Variants in RSPH14 observed in about 807,000 individuals in gnomAD.
RSPH14 encodes the protein radial spoke head 14 homolog, also known as rhabdoid tumor deletion region gene 1.
In RSPH14, 20 loss-of-function variants were observed where a neutral mutation model predicts 26.7. That is an observed-to-expected ratio of 0.75 (90% CI 0.53 to 1.09). The LOEUF is 1.09. Among genes scored for constraint, RSPH14 ranks in the 50% least tolerant of loss-of-function variants. The pLI is 0.00. For missense variants in RSPH14, 449 were observed against 457.2 expected (o/e 0.98, Z 0.16); for synonymous variants, 177 against 189.3 (o/e 0.93, Z 0.53).
At chr22:23,109,483 G>A (rs975532054) in intron 4 of RSPH14, among the ~76,000 whole-genome samples, 2 of 152,210 alleles carry the variant, frequency 1.3e-5, no homozygotes, top group African/African-American at 2.4e-5. Flanking sequence ...TGGGTGCTGA[G>A]CCAAGTGAGG....
intron 4 of RSPH14, among the ~76,000 whole-genome samples, chr22:23,084,685 C>A (rs1223022624): frequency 6.6e-6 from 1 of 152,342 alleles, no homozygotes; most frequent in East Asian, 1.9e-4. Context: ...TGATGCAATG[C>A]AGCCTTGAGA....
At chr22:23,158,758 C>T in the RSPH14 span, 5 of 728,890 alleles carry the variant, frequency 6.9e-6, no homozygotes, top group South Asian at 8.2e-5. Flanking sequence ...GCATCCTGCT[C>T]AGCCAGTGTG....
At chr22:23,159,134 G>A in the RSPH14 span, 296 of 1,607,608 alleles carry the variant, frequency 1.8e-4, no homozygotes, top group African/African-American at 1.5e-3. Context: ...GAGCCGGGAC[G>A]CTGGGTCAAC....
chr22:23,070,658 G>C (rs2068338744), intron 4 of RSPH14: 1 of 152,136 alleles, frequency 6.6e-6, no homozygotes, highest in Admixed American at 6.5e-5. Context: ...CCCCCACTTG[G>C]GACTCTTCCC....
intron 4 of RSPH14, chr22:23,096,446 C>A: frequency 6.4e-7 from 1 of 1,572,342 alleles, no homozygotes; most frequent in Non-Finnish European, 8.6e-7. Flanking sequence ...TTTTCCTCTG[C>A]TTGTTCCTGC....
At chr22:23,091,405 T>C (rs2068970850) in intron 4 of RSPH14, among the ~76,000 whole-genome samples, 1 of 150,450 alleles carries the variant, frequency 6.6e-6, no homozygotes, top group African/African-American at 2.5e-5. Context: ...CAGGCACCTA[T>C]GCATACATGC....
At chr22:23,125,763 A>G (rs3788349) in intron 4 of RSPH14, among the ~76,000 whole-genome samples, 73,660 of 151,634 alleles carry the variant, frequency 0.49, 18,482 homozygotes, top group Middle Eastern at 0.57. Flanking sequence ...CCACTGGAGG[A>G]GCAGAGACGC....
chr22:23,080,235 C>T lies in RSPH14; in HGVS notation c.422-16102G>A, dbSNP rs549173944. 4.5e-4 allele frequency among the ~76,000 whole-genome samples: 68 copies of T among 152,334 alleles called. No homozygotes were observed. In the South Asian group the frequency reaches 0.014, roughly 31 times the overall value. On this transcript the variant is annotated intron_variant, in intron 4 of 6. Coordinates refer to ENST00000216036, the MANE Select transcript of RSPH14 (RefSeq NM_014433.3). ...CTTGATTTCCTCCTGAGTCAGTGTT[C>T]CTCAGGCGACACTATCACCCTTTGT...
At chr22:23,095,469 G>C (rs540963326) in intron 4 of RSPH14, 16 of 555,640 alleles carry the variant, frequency 2.9e-5, no homozygotes, top group African/African-American at 2.6e-4. Context: ...GAGGTGGAGT[G>C]TCACTAGTGG....
chr22:23,061,063 T>C (rs1381178234), intron 6 of RSPH14, among the ~76,000 whole-genome samples: 3 of 152,088 alleles, frequency 2.0e-5, no homozygotes, highest in Non-Finnish European at 4.4e-5. Flanking sequence ...ACCTCTCCCA[T>C]CTGCATACCT....
intron 4 of RSPH14, among the ~76,000 whole-genome samples, chr22:23,121,373 C>T (rs1483655309): frequency 1.3e-5 from 2 of 152,206 alleles, no homozygotes; most frequent in Non-Finnish European, 2.9e-5. Flanking sequence ...CCTCAGAGAA[C>T]TCAGGGGCTC....
chr22:23,092,411 C>T (rs998385040), intron 4 of RSPH14, among the ~76,000 whole-genome samples: 1 of 152,126 alleles, frequency 6.6e-6, no homozygotes, highest in African/African-American at 2.4e-5. Flanking sequence ...CAACACAGCC[C>T]CACAGAGCCG....
At chr22:23,124,533 T>C (rs1237025510) in intron 4 of RSPH14, 2 of 293,004 alleles carry the variant, frequency 6.8e-6, no homozygotes, top group Non-Finnish European at 1.5e-5. Context: ...AAACACGACA[T>C]ATTTAAAGAA....
At chr22:23,126,508 T>C (rs1311642871) in intron 4 of RSPH14, among the ~76,000 whole-genome samples, 1 of 152,240 alleles carries the variant, frequency 6.6e-6, no homozygotes, top group Non-Finnish European at 1.5e-5. Flanking sequence ...GCATTCCATC[T>C]GTCAGGGCTC....
At chr22:23,116,418 C>T (rs182945465) in intron 4 of RSPH14, among the ~76,000 whole-genome samples, 6 of 152,370 alleles carry the variant, frequency 3.9e-5, no homozygotes, top group East Asian at 3.9e-4. Flanking sequence ...ATTTGCAGTG[C>T]AGGAGGGAGA....
intron 5 of RSPH14, among the ~76,000 whole-genome samples, chr22:23,063,083 A>C (rs1422213922): frequency 5.3e-5 from 8 of 152,176 alleles, no homozygotes; most frequent in African/African-American, 1.7e-4. Flanking sequence ...TCAGAGAGAG[A>C]GAGCTCTCTC....
intron 4 of RSPH14, among the ~76,000 whole-genome samples, chr22:23,117,272 C>T (rs192151355): frequency 1.2e-4 from 19 of 152,272 alleles, no homozygotes; most frequent in African/African-American, 4.3e-4. Flanking sequence ...GGTGCCGACA[C>T]GGTATGTTTT....
chr22:23,162,736 G>A, the RSPH14 span: 4 of 456,206 alleles, frequency 8.8e-6, no homozygotes, highest in Non-Finnish European at 1.3e-5. Context: ...CCCGTAGATG[G>A]CGAGCACCTT....
chr22:23,156,749 A>C, the RSPH14 span, among the ~76,000 whole-genome samples: 106 of 152,372 alleles, frequency 7.0e-4, 1 homozygote, highest in South Asian at 0.021. Flanking sequence ...GGCAGCCCTC[A>C]GCCGTGGGTT....
Sources: allele counts gnomAD v4.1 joint callset (sites outside exome capture counted in the v4.1 genomes callset), GRCh38; gene constraint gnomAD v4.1.1; transcripts MANE v1.5; gene names NCBI Gene and HGNC (gene_info 2026-07-23, HGNC 2026-07-21).